Variants in RPTOR observed in about 807,000 individuals in gnomAD.
RPTOR encodes the protein regulatory associated protein of MTOR complex 1.
In RPTOR, 21 loss-of-function variants were observed where a neutral mutation model predicts 169.9. That is an observed-to-expected ratio of 0.12 (90% CI 0.09 to 0.18). The LOEUF (loss-of-function observed/expected upper bound fraction) is 0.18. RPTOR is among the 10% of genes least tolerant of loss of function. The probability of loss-of-function intolerance (pLI) is 1.00; values close to 1 mark genes in which losing one functional copy is unlikely to be tolerated. For missense variants in RPTOR, 1,133 were observed against 1,855.9 expected, an observed-to-expected ratio of 0.61 and a Z score of 7.16; for synonymous variants, 732 against 753.2, an observed-to-expected ratio of 0.97 and a Z score of 0.46.
At chr17:80,546,155 T>C (rs1311560130) in intron 1 of RPTOR, among the ~76,000 whole-genome samples, 2 of 152,230 alleles carry the variant, frequency 1.3e-5, no homozygotes, top group African/African-American at 4.8e-5. Flanking sequence ...TATACCCACA[T>C]GATTAGTCTA....
intron 5 of RPTOR, among the ~76,000 whole-genome samples, chr17:80,747,148 G>A (rs776272482): frequency 2.6e-5 from 4 of 152,200 alleles, no homozygotes; most frequent in Non-Finnish European, 4.4e-5. Context: ...ACCTGGAGGT[G>A]GAGGTTGCAG....
At position 80,787,099 on chromosome 17, in the gene RPTOR, GC is replaced by G. The variant is rs2067000609; in HGVS notation, c.831-4349del. 1.2e-4 allele frequency among the ~76,000 whole-genome samples: 18 copies of G among 152,324 alleles called. No individual in the cohort carries two copies. In the South Asian group the frequency reaches 3.7e-3, roughly 32 times the overall value. On this transcript the variant is annotated intron_variant, in intron 6 of 33. Coordinates refer to ENST00000306801, the MANE Select transcript of RPTOR (RefSeq NM_020761.3). The stretch of plus-strand genomic sequence containing the variant: ...CCGCCCTGTGACCACCGCCCTGAGT[GC>G]CGGGCTCATCATCCCTTCCATGCCC...
At chr17:80,611,756 G>A (rs1474849089) in intron 1 of RPTOR, among the ~76,000 whole-genome samples, 1 of 132,190 alleles carries the variant, frequency 7.6e-6, no homozygotes, top group Admixed American at 7.1e-5. Flanking sequence ...TTTTATAGCT[G>A]TTTTTTTTTT....
intron 1 of RPTOR, among the ~76,000 whole-genome samples, chr17:80,592,148 T>C (rs979305096): frequency 6.6e-6 from 1 of 152,054 alleles, no homozygotes; most frequent in Admixed American, 6.6e-5. Context: ...CTGGAGCGAG[T>C]GTGGCCTAGT....
intron 6 of RPTOR, among the ~76,000 whole-genome samples, chr17:80,784,649 C>T (rs8066075): frequency 0.25 from 38,384 of 150,834 alleles, 4,921 homozygotes; most frequent in Middle Eastern, 0.28. Flanking sequence ...CACCTCAGCC[C>T]CCCAAAGTGC....
chr17:80,857,452 C>T (rs990982479), intron 12 of RPTOR, among the ~76,000 whole-genome samples: 3 of 152,162 alleles, frequency 2.0e-5, no homozygotes, highest in Non-Finnish European at 2.9e-5. Flanking sequence ...AGTGAAGGTG[C>T]CTGATGCTCT....
intron 9 of RPTOR, among the ~76,000 whole-genome samples, chr17:80,830,941 C>T (rs1258173282): frequency 1.3e-5 from 2 of 152,070 alleles, no homozygotes; most frequent in Non-Finnish European, 1.5e-5. Flanking sequence ...GATGAGGTTT[C>T]ACCAGGTTGC....
chr17:80,833,149 G>T (rs1297689924), intron 9 of RPTOR, among the ~76,000 whole-genome samples: 2 of 152,188 alleles, frequency 1.3e-5, no homozygotes, highest in Non-Finnish European at 2.9e-5. Context: ...TGGAGGCTGT[G>T]CGGACTTGGA....
chr17:80,802,835 G>A (rs1002476878), intron 7 of RPTOR: 12 of 152,262 alleles, frequency 7.9e-5, no homozygotes, highest in African/African-American at 2.9e-4. Flanking sequence ...CATCTCAGAC[G>A]GCTCAGTACC....
At chr17:80,570,224 A>G (rs183486337) in intron 1 of RPTOR, among the ~76,000 whole-genome samples, 52 of 152,162 alleles carry the variant, frequency 3.4e-4, no homozygotes, top group Non-Finnish European at 5.7e-4. Context: ...ACGTTCCTGT[A>G]TGACTCGTTG....
At chr17:80,593,933 G>A (rs114691212) in intron 1 of RPTOR, 3 of 152,270 alleles carry the variant, frequency 2.0e-5, no homozygotes, top group African/African-American at 4.8e-5. Flanking sequence ...GGACTCCTCC[G>A]TGATTCTAAA....
chr17:80,827,996 T>A (rs1303567051), intron 9 of RPTOR, among the ~76,000 whole-genome samples: 3 of 152,206 alleles, frequency 2.0e-5, no homozygotes, highest in African/African-American at 7.2e-5. Flanking sequence ...CCATGCTGAC[T>A]TAGCGGCGTA....
At chr17:80,925,914 A>G (rs1469069685) in intron 24 of RPTOR, among the ~76,000 whole-genome samples, 1 of 152,172 alleles carries the variant, frequency 6.6e-6, no homozygotes, top group East Asian at 1.9e-4. Flanking sequence ...AGCCCTAACA[A>G]GCGCCGTGTG....
intron 20 of RPTOR, among the ~76,000 whole-genome samples, chr17:80,906,441 C>T (rs2068543956): frequency 6.6e-6 from 1 of 152,164 alleles, no homozygotes; most frequent in Non-Finnish European, 1.5e-5. Context: ...TGCAGGACCA[C>T]GGTTGAGCAG....
chr17:80,866,117 ATAT>A (rs1360775270), intron 13 of RPTOR, among the ~76,000 whole-genome samples: 14 of 150,338 alleles, frequency 9.3e-5, no homozygotes, highest in African/African-American at 2.9e-4. Flanking sequence ...AGATACATAG[ATAT>A]TATAAGTCGT....
intron 1 of RPTOR, among the ~76,000 whole-genome samples, chr17:80,608,388 T>C (rs1290321254): frequency 6.6e-6 from 1 of 152,252 alleles, no homozygotes; most frequent in Non-Finnish European, 1.5e-5. Context: ...TGGAAAACTT[T>C]GTGGGCCATC....
intron 1 of RPTOR, among the ~76,000 whole-genome samples, chr17:80,604,990 G>T (rs913676786): frequency 5.3e-5 from 8 of 151,724 alleles, no homozygotes; most frequent in Admixed American, 2.0e-4. Context: ...TAGCTCCTGG[G>T]CTCATGTGAT....
In RPTOR at chr17:80,904,755, T is replaced by G. The variant is rs76288049; in HGVS notation, c.2402-4056T>G. Reference sequence around the variant, plus strand: ...CGGTCTGTTTTGGGGACTGGCAGATTTTACAACAGGACAGTTCATACAACG... The same window carrying G: ...CGGTCTGTTTTGGGGACTGGCAGATGTTACAACAGGACAGTTCATACAACG... On this transcript the variant is annotated intron_variant, in intron 20 of 33. Transcript: ENST00000306801. Among the ~76,000 whole-genome samples, 1,447 of 152,132 alleles carry G rather than the reference T, an allele frequency of 9.5e-3. 28 individuals are homozygous for G. The highest frequency in any genetic ancestry group is 0.034 in the African/African-American group (1,395 of 41,468).
chr17:80,901,273 G>C (rs2068473243), intron 20 of RPTOR, among the ~76,000 whole-genome samples: 1 of 152,136 alleles, frequency 6.6e-6, no homozygotes, highest in African/African-American at 2.4e-5. Context: ...GGACACAGGG[G>C]CTTGGCCTCC....
Sources: gnomAD v4.1 joint callset for allele counts (sites outside exome capture counted in the v4.1 genomes callset) on GRCh38, gnomAD v4.1.1 for gene constraint, MANE v1.5 for transcripts, NCBI Gene and HGNC (gene_info 2026-07-23, HGNC 2026-07-21) for gene names.